Variants in STK39 observed in about 807,000 individuals in gnomAD.
STK39 encodes serine/threonine kinase 39, also known as STE20/SPS1-related proline-alanine-rich protein kinase.
STK39 carries 20 observed loss-of-function variants against 77.8 expected under a neutral mutation model. That is an observed-to-expected ratio of 0.26 (90% CI 0.18 to 0.37). The LOEUF (loss-of-function observed/expected upper bound fraction) is 0.37, where lower values mean the gene tolerates loss of function less well. Ranked by LOEUF, STK39 falls within the 10% of genes least tolerant of loss-of-function variation. The pLI is 1.00. For missense variants in STK39, 479 were observed against 656.5 expected (o/e 0.73, Z 2.95); for synonymous variants, 246 against 234.1 (o/e 1.05, Z -0.47).
At chr2:168,064,491 A>C (rs949543539) in intron 13 of STK39, among the ~76,000 whole-genome samples, 3 of 152,118 alleles carry the variant, frequency 2.0e-5, no homozygotes, top group African/African-American at 7.2e-5. Context: ...TACTCCCTCT[A>C]TATATAAGCT....
intron 14 of STK39, among the ~76,000 whole-genome samples, chr2:168,045,930 G>A (rs1467269491): frequency 2.6e-5 from 4 of 152,142 alleles, no homozygotes; most frequent in East Asian, 3.9e-4. Context: ...CAATACAACT[G>A]CAGGAGTCCC....
Position 168,146,872 on chromosome 2 carries a change from A to G in STK39, c.629-6114T>C, listed in dbSNP as rs953054654. On this transcript the variant is annotated intron_variant, in intron 5 of 17. Transcript: ENST00000355999. ...GGAGAGGATTAGACCAATTCTTAAGAAAATACGATGATTTAGTAGATATTG... is the reference window on the plus strand; with the variant it reads ...GGAGAGGATTAGACCAATTCTTAAGGAAATACGATGATTTAGTAGATATTG... Among the ~76,000 whole-genome samples the G allele has an allele frequency of 6.6e-5, 10 of 152,330 alleles. No homozygotes were observed. In the East Asian group the frequency reaches 1.2e-3, roughly 18 times the overall value.
At chr2:168,106,058 A>G (rs1250453940) in intron 10 of STK39, among the ~76,000 whole-genome samples, 1 of 152,172 alleles carries the variant, frequency 6.6e-6, no homozygotes, top group Non-Finnish European at 1.5e-5. Context: ...CGCCTCCCAG[A>G]TGCAAATGAT....
chr2:168,012,661 A>G lies in STK39; in HGVS notation c.1471T>C (p.Leu491=). 6.2e-7 allele frequency: 1 copy of G among 1,613,890 alleles called. No homozygotes were observed. ...GVSQELFSAG[L]VDGHDVVIVA... Reference sequence around the variant, plus strand: ...ATAACTACATCGTGACCATCCACCAAGCCAGCAGAGAAGAGCTCCTGAGAT... The same window carrying G: ...ATAACTACATCGTGACCATCCACCAGGCCAGCAGAGAAGAGCTCCTGAGAT... The change falls in exon 16 of 18, where the codon TTG becomes CTG. Residue 491 remains leucine, a synonymous_variant. Transcript: ENST00000355999.
chr2:168,093,332 A>T (rs1184761738), intron 10 of STK39, among the ~76,000 whole-genome samples: 1 of 152,218 alleles, frequency 6.6e-6, no homozygotes, highest in African/African-American at 2.4e-5. Context: ...ACAGTTTCAC[A>T]TGGCTAGGGA....
chr2:168,220,353 C>T (rs559032665), intron 1 of STK39, among the ~76,000 whole-genome samples: 17 of 152,178 alleles, frequency 1.1e-4, no homozygotes, highest in South Asian at 4.1e-4. Flanking sequence ...AAAGAGAAAA[C>T]CACTCTAAGC....
chr2:168,008,054 A>C (rs1043120422), intron 16 of STK39, among the ~76,000 whole-genome samples: 3 of 152,112 alleles, frequency 2.0e-5, no homozygotes, highest in African/African-American at 7.2e-5. Context: ...TGCCCCCTTC[A>C]TTGCCAGCCC....
At chr2:168,234,978 T>C (rs1690559823) in intron 1 of STK39, among the ~76,000 whole-genome samples, 1 of 150,912 alleles carries the variant, frequency 6.6e-6, no homozygotes, top group Admixed American at 6.6e-5. Context: ...CATAGTAAGA[T>C]TCCATCTCTA....
intron 1 of STK39, among the ~76,000 whole-genome samples, chr2:168,197,850 A>G (rs1034186928): frequency 2.6e-5 from 4 of 152,126 alleles, no homozygotes; most frequent in Non-Finnish European, 5.9e-5. Context: ...ACCCTGGCCA[A>G]CATGGTGAAA....
At chr2:168,087,420 G>C (rs1490782124) in intron 10 of STK39, among the ~76,000 whole-genome samples, 1 of 152,226 alleles carries the variant, frequency 6.6e-6, no homozygotes, top group East Asian at 1.9e-4. Flanking sequence ...GCATTTGTTA[G>C]ACGTGATTAA....
intron 4 of STK39, 84 bp from the exon 5 acceptor site, chr2:168,161,926 T>C (rs907045389): frequency 2.1e-6 from 2 of 941,446 alleles, no homozygotes; most frequent in East Asian, 5.2e-5. Flanking sequence ...TTAAAACATA[T>C]CATACAACGC....
intron 10 of STK39, among the ~76,000 whole-genome samples, chr2:168,084,434 C>T (rs1255184118): frequency 6.6e-6 from 1 of 152,114 alleles, no homozygotes; most frequent in Non-Finnish European, 1.5e-5. Flanking sequence ...TTTCTGAATG[C>T]CTGACACATA....
chr2:168,055,719 G>C (rs1251042614), intron 14 of STK39, among the ~76,000 whole-genome samples: 1 of 152,222 alleles, frequency 6.6e-6, no homozygotes, highest in African/African-American at 2.4e-5. Context: ...TAATTTAAGT[G>C]ATAGATTTAC....
intron 16 of STK39, among the ~76,000 whole-genome samples, chr2:168,009,490 A>C (rs530819350): frequency 6.6e-6 from 1 of 152,336 alleles, no homozygotes; most frequent in South Asian, 2.1e-4. Flanking sequence ...AATTATATGC[A>C]AAGTGTCAAC....
intron 14 of STK39, among the ~76,000 whole-genome samples, chr2:168,017,618 C>CA (rs1386662921): frequency 1.3e-5 from 2 of 152,060 alleles, no homozygotes; most frequent in African/African-American, 4.8e-5. Context: ...GTGATCCCCC[C>CA]AGCCTCGGCC....
chr2:168,098,624 C>T (rs961585353), intron 10 of STK39, among the ~76,000 whole-genome samples: 2 of 152,158 alleles, frequency 1.3e-5, no homozygotes, highest in Non-Finnish European at 2.9e-5. Flanking sequence ...TTTTCTGCTC[C>T]CATTTTTGCC....
chr2:168,138,091 T>C lies in STK39; in HGVS notation c.971A>G (p.Lys324Arg), dbSNP rs746601162. The C allele has an allele frequency of 8.1e-6, 13 of 1,613,328 alleles. No individual in the cohort carries two copies. Among genetic ancestry groups the C allele is most frequent in the Middle Eastern group, 1.6e-4 (1 of 6,082 alleles). The change falls in exon 8 of 18, where the codon AAA (lysine) becomes AGA (arginine). Residue 324 changes from lysine (K) to arginine (R), a missense_variant. Lys to Arg is a conservative substitution (Grantham distance 26). Around this residue, in one of 3 missense-constraint regions of STK39, gnomAD observed 244 missense variants for 296.8 expected, o/e 0.82. Coordinates refer to ENST00000355999, the MANE Select transcript of STK39 (RefSeq NM_013233.3). ...TCATCCACTAAGTTTCACTTACCTTTTGGAAGGATCTTTCTGAAGACACAG... is the reference window on the plus strand; with the variant it reads ...TCATCCACTAAGTTTCACTTACCTTCTGGAAGGATCTTTCTGAAGACACAG... ...LSLCLQKDPS[K>R]RPTAAELLKC...
chr2:167,992,561 CA>C (rs1683729269), intron 16 of STK39, among the ~76,000 whole-genome samples: 1 of 152,118 alleles, frequency 6.6e-6, no homozygotes, highest in African/African-American at 2.4e-5. Context: ...ATTCCATAGG[CA>C]AAGAGGCACT....
chr2:168,153,072 T>TA (rs1688332541), intron 5 of STK39, among the ~76,000 whole-genome samples: 1 of 152,224 alleles, frequency 6.6e-6, no homozygotes, highest in African/African-American at 2.4e-5. Context: ...TCAGAAGGAT[T>TA]AGTTGAATCT....
Sources: allele counts gnomAD v4.1 joint callset (sites outside exome capture counted in the v4.1 genomes callset), GRCh38; gene constraint gnomAD v4.1.1; regional missense constraint gnomAD v4.1.1; transcripts MANE v1.5; gene names NCBI Gene and HGNC (gene_info 2026-07-23, HGNC 2026-07-21).